SMC1B: variants seen among roughly 807,000 people sequenced by gnomAD.
SMC1B encodes the protein structural maintenance of chromosomes 1B.
A neutral mutation model predicts 157.9 loss-of-function variants in SMC1B; 60 were observed. That is an observed-to-expected ratio of 0.38 (90% CI 0.31 to 0.47). The LOEUF (loss-of-function observed/expected upper bound fraction) is 0.47. Ranked by LOEUF, SMC1B falls within the 20% of genes least tolerant of loss-of-function variation. The pLI is 0.99. For synonymous variants in SMC1B, 445 were observed against 483.0 expected, an observed-to-expected ratio of 0.92 and a Z score of 1.03; for missense variants, 1,165 against 1,426.2, an observed-to-expected ratio of 0.82 and a Z score of 2.95.
At chr22:45,373,081 T>C (rs948834431) in intron 12 of SMC1B, among the ~76,000 whole-genome samples, 4 of 152,154 alleles carry the variant, frequency 2.6e-5, no homozygotes, top group Non-Finnish European at 5.9e-5. Flanking sequence ...ACCTATAACT[T>C]GGAAGTGCTT....
In SMC1B at chr22:45,396,427, T is replaced by C. The variant is rs1158083745; in HGVS notation, c.1173A>G (p.Gln391=). 7 of 1,613,494 alleles carry C rather than the reference T, an allele frequency of 4.3e-6. No homozygotes were observed. Among genetic ancestry groups the C allele is most frequent in the Non-Finnish European group, 5.9e-6 (7 of 1,179,674 alleles). ...QVRKKVATMT[Q]QLEKLQWEQK... ...GTTCCCACTGCAGTTTTTCCAGTTGTTGAGTCATTGTAGCTACTTTCTTTC... is the reference window on the plus strand; with the variant it reads ...GTTCCCACTGCAGTTTTTCCAGTTGCTGAGTCATTGTAGCTACTTTCTTTC... Residue 391 remains glutamine (Q), a synonymous_variant, in exon 7 of 25, where the codon CAA becomes CAG. Coordinates refer to ENST00000357450, the MANE Select transcript of SMC1B (RefSeq NM_148674.5).
At chr22:45,362,652 T>C (rs982943643) in intron 16 of SMC1B, among the ~76,000 whole-genome samples, 7 of 152,164 alleles carry the variant, frequency 4.6e-5, no homozygotes, top group African/African-American at 1.7e-4. Flanking sequence ...CTGCTCCCAT[T>C]CACCAATCAC....
At chr22:45,398,232 G>A (rs2087148886) in intron 6 of SMC1B, among the ~76,000 whole-genome samples, 2 of 152,214 alleles carry the variant, frequency 1.3e-5, no homozygotes, top group African/African-American at 4.8e-5. Context: ...CCTCATCTGG[G>A]CGCCAGAGCC....
chr22:45,353,984 G>A lies in SMC1B; in HGVS notation c.3267C>T (p.Ser1089=), dbSNP rs369408069. The A allele has an allele frequency of 5.7e-5, 89 of 1,557,180 alleles. No homozygotes were observed. The highest frequency in any genetic ancestry group is 3.3e-4 in the Admixed American group (17 of 52,290). ...GAGGATGAAAGATACATACTTGGGCGCTGTTGTTTCTGCAGAGCTTCTTGT... is the reference window on the plus strand; with the variant it reads ...GAGGATGAAAGATACATACTTGGGCACTGTTGTTTCTGCAGAGCTTCTTGT... ...QIYKKLCRNN[S]AQAFLSPENP... Residue 1089 remains serine (S), a synonymous_variant, in exon 21 of 25, where the codon AGC becomes AGT. Transcript: ENST00000357450.
At chr22:45,371,936 G>A (rs562105541) in intron 13 of SMC1B, among the ~76,000 whole-genome samples, 15 of 152,074 alleles carry the variant, frequency 9.9e-5, no homozygotes, top group Admixed American at 9.2e-4. Flanking sequence ...CCAGCTACTC[G>A]GGAGGCTGAG....
At chr22:45,379,220 C>T (rs538105556) in intron 12 of SMC1B, among the ~76,000 whole-genome samples, 11 of 152,288 alleles carry the variant, frequency 7.2e-5, no homozygotes, top group African/African-American at 2.6e-4. Context: ...GAACCCCTGG[C>T]CTCAAGTGAT....
intron 24 of SMC1B, among the ~76,000 whole-genome samples, chr22:45,345,119 A>C (rs2086537481): frequency 6.6e-6 from 1 of 152,196 alleles, no homozygotes; most frequent in African/African-American, 2.4e-5. Context: ...TTGCTCTACC[A>C]CAGTGCATTT....
intron 12 of SMC1B, among the ~76,000 whole-genome samples, chr22:45,381,571 C>T (rs1191267402): frequency 6.6e-6 from 1 of 152,212 alleles, no homozygotes; most frequent in African/African-American, 2.4e-5. Flanking sequence ...AAGCACTTTT[C>T]ACATCAAAAG....
At chr22:45,347,976 C>T (rs1404341469) in intron 23 of SMC1B, among the ~76,000 whole-genome samples, 1 of 152,160 alleles carries the variant, frequency 6.6e-6, no homozygotes, top group Non-Finnish European at 1.5e-5. Flanking sequence ...TGCCCTTCCC[C>T]TGGGCAGTGT....
At chr22:45,398,115 G>A (rs745769933) in intron 6 of SMC1B, among the ~76,000 whole-genome samples, 1 of 152,184 alleles carries the variant, frequency 6.6e-6, no homozygotes, top group Non-Finnish European at 1.5e-5. Context: ...CTTCGGACGT[G>A]CATCCTTCAG....
At position 45,359,966 on chromosome 22, in the gene SMC1B, T is replaced by G; in HGVS notation, c.2709-8A>C. ...TGCAATTTCCCCACTTCCCTGTAATTACACAGATATGAAAAAGTAATTTTA... is the reference window on the plus strand; with the variant it reads ...TGCAATTTCCCCACTTCCCTGTAATGACACAGATATGAAAAAGTAATTTTA... On this transcript the variant is annotated splice_polypyrimidine_tract_variant and splice_region_variant and intron_variant, in intron 17 of 24. Coordinates refer to ENST00000357450, the MANE Select transcript of SMC1B (RefSeq NM_148674.5). 6.2e-7 allele frequency: 1 copy of G among 1,610,382 alleles called. No homozygotes were observed. Among genetic ancestry groups the G allele is most frequent in the East Asian group, 2.2e-5 (1 of 44,812 alleles).
At chr22:45,367,151 G>A (rs773777245) in intron 15 of SMC1B, among the ~76,000 whole-genome samples, 1 of 152,102 alleles carries the variant, frequency 6.6e-6, no homozygotes, top group Non-Finnish European at 1.5e-5. Flanking sequence ...GGGAGGTCAT[G>A]GTTCCCCGTT....
chr22:45,346,227 C>T (rs954285911), intron 23 of SMC1B, among the ~76,000 whole-genome samples: 16 of 152,072 alleles, frequency 1.1e-4, no homozygotes, highest in Non-Finnish European at 1.2e-4. Context: ...GAGCAAAAAT[C>T]CAAAATAATT....
At chr22:45,400,158 T>TC (rs1318738017) in intron 5 of SMC1B, among the ~76,000 whole-genome samples, 1 of 152,140 alleles carries the variant, frequency 6.6e-6, no homozygotes, top group Non-Finnish European at 1.5e-5. Flanking sequence ...GCAAGGACAC[T>TC]CCAGTAGCAA....
chr22:45,354,801 CAATT>C (rs942696949), intron 20 of SMC1B, among the ~76,000 whole-genome samples, 154 bp downstream of exon 20: 12 of 152,066 alleles, frequency 7.9e-5, no homozygotes, highest in South Asian at 2.1e-4. Flanking sequence ...AAAAAGGAAA[CAATT>C]AATGATTCAG....
At chr22:45,351,438 G>A (rs916270792) in intron 22 of SMC1B, among the ~76,000 whole-genome samples, 1 of 152,074 alleles carries the variant, frequency 6.6e-6, no homozygotes, top group Non-Finnish European at 1.5e-5. Context: ...TTCCTGTGGC[G>A]GCCTATTCCT....
intron 1 of SMC1B, among the ~76,000 whole-genome samples, chr22:45,409,841 T>A (rs181708959): frequency 6.6e-6 from 1 of 152,218 alleles, no homozygotes; most frequent in East Asian, 1.9e-4. Context: ...GTACAAACAA[T>A]ATGATTTAAT....
At position 45,387,650 on chromosome 22, in the gene SMC1B, A is replaced by G. The variant is rs117462091; in HGVS notation, c.1732-604T>C. On this transcript the variant is annotated intron_variant, in intron 10 of 24. Transcript: ENST00000357450. ...AACAATGCATAGGAAGTGTTCCACA[A>G]AACACTTTCAAAATCATAAAATCTA... 1.2e-4 allele frequency among the ~76,000 whole-genome samples: 19 copies of G among 152,364 alleles called. No individual in the cohort carries two copies. In the East Asian group the frequency reaches 3.5e-3, roughly 28 times the overall value.
At chr22:45,366,856 TC>T (rs1456865255) in intron 15 of SMC1B, among the ~76,000 whole-genome samples, 1 of 152,208 alleles carries the variant, frequency 6.6e-6, no homozygotes, top group East Asian at 1.9e-4. Context: ...TTTTTTCTCT[TC>T]TGTCTTTTCC....
Sources: allele counts gnomAD v4.1 joint callset (sites outside exome capture counted in the v4.1 genomes callset), GRCh38; gene constraint gnomAD v4.1.1; transcripts MANE v1.5; gene names NCBI Gene and HGNC (gene_info 2026-07-23, HGNC 2026-07-21).